Variants in KCP observed in about 807,000 individuals in gnomAD.
The protein encoded by KCP is kielin cysteine rich BMP regulator, also known as kielin/chordin-like protein.
KCP carries 194 observed loss-of-function variants against 212.7 expected under a neutral mutation model. The ratio of observed to expected loss-of-function variants is 0.91; its 90% CI spans 0.81 to 1.03. The LOEUF (loss-of-function observed/expected upper bound fraction) is 1.03. Among genes scored for constraint, KCP ranks in the 50% least tolerant of loss-of-function variants. The pLI is 0.00. For missense variants in KCP, 2,080 were observed against 2,162.5 expected, an observed-to-expected ratio of 0.96 and a Z score of 0.76; for synonymous variants, 833 against 865.3, an observed-to-expected ratio of 0.96 and a Z score of 0.65.
Position 128,892,805 on chromosome 7 carries a change from C to T in KCP, c.1421-11G>A, listed in dbSNP as rs1408677293. The T allele has an allele frequency of 2.6e-6, 4 of 1,551,608 alleles. No individual in the cohort carries two copies. Among genetic ancestry groups the T allele is most frequent in the Non-Finnish European group, 3.5e-6 (4 of 1,146,914 alleles). On this transcript the variant is annotated splice_polypyrimidine_tract_variant and intron_variant, in intron 14 of 39. Transcript: ENST00000610776. Reference sequence around the variant, plus strand: ...TGGGGCAGCAGGCACCTGGGTGGGGCAGGCTGGTCAGGGTGAGCTGGGTAA... The same window carrying T: ...TGGGGCAGCAGGCACCTGGGTGGGGTAGGCTGGTCAGGGTGAGCTGGGTAA...
At position 128,877,474 on chromosome 7, in the gene KCP, A is replaced by C; in HGVS notation, c.4618+10T>G. ...CCTCCCCCAACCTGCAGCGGGCATC[A>C]CCCCCTCACCACACAGCGTGGGGCC... On this transcript the variant is annotated intron_variant, in intron 39 of 39. Coordinates refer to ENST00000610776, the MANE Select transcript of KCP (RefSeq NM_001366122.1). 6.5e-7 allele frequency: 1 copy of C among 1,549,918 alleles called. No homozygotes were observed. Among genetic ancestry groups the C allele is most frequent in the Non-Finnish European group, 8.7e-7 (1 of 1,146,438 alleles).
chr7:128,881,171 G>A (rs1046461332), intron 31 of KCP, 86 bp from the exon 32 acceptor site: 1 of 398,748 alleles, frequency 2.5e-6, no homozygotes, highest in African/African-American at 2.1e-5. Context: ...TTCACGGCAG[G>A]AAAGCACCCA....
intron 7 of KCP, 55 bp downstream of exon 7, chr7:128,903,672 A>G: frequency 7.1e-7 from 1 of 1,409,156 alleles, no homozygotes; most frequent in Non-Finnish European, 9.5e-7. Flanking sequence ...GGAATTCAAG[A>G]AATGGCACGA....
intron 7 of KCP, 102 bp from the exon 8 acceptor site, chr7:128,902,961 T>C: frequency 1.2e-6 from 1 of 861,402 alleles, no homozygotes; most frequent in Non-Finnish European, 1.9e-6. Flanking sequence ...CTGAGGGCTC[T>C]CTCCCGAGCC....
At chr7:128,903,152 T>G in intron 7 of KCP, 1 of 477,416 alleles carries the variant, frequency 2.1e-6, no homozygotes, top group East Asian at 3.8e-5. Context: ...CCAGCCAACA[T>G]TGCACACTCA....
rs1353003636 is a variant in KCP, at chr7:128,908,516, T to TG, written c.128dup (p.Val44SerfsTer32). 1.9e-6 allele frequency: 3 copies of TG among 1,551,662 alleles called. No homozygotes were observed. The highest frequency in any genetic ancestry group is 2.6e-6 in the Non-Finnish European group (3 of 1,147,014). On this transcript the variant is annotated frameshift_variant, in exon 2 of 40. Coordinates refer to ENST00000610776, the MANE Select transcript of KCP (RefSeq NM_001366122.1). LOFTEE classifies it high-confidence loss of function. Reference sequence around the variant, plus strand: ...GCTCCTGGGAGTTCCCAGCAAGGACTGAGGAATGGGCAGTTGTCTGCTGCC... The same window carrying TG: ...GCTCCTGGGAGTTCCCAGCAAGGACTGGAGGAATGGGCAGTTGTCTGCTGCC...
Position 128,908,068 on chromosome 7 carries a change from G to C in KCP, c.219+358C>G, listed in dbSNP as rs559160814. On this transcript the variant is annotated intron_variant, in intron 2 of 39. Transcript: ENST00000610776. ...CACTTGAACCCAGGAGGCAGAGGTTGCAGGGAGCTGAGATTGTGCCACTGC... is the reference window on the plus strand; with the variant it reads ...CACTTGAACCCAGGAGGCAGAGGTTCCAGGGAGCTGAGATTGTGCCACTGC... Among the ~76,000 whole-genome samples, 9 of 150,268 alleles carry C rather than the reference G, an allele frequency of 6.0e-5. 1 individual carries two copies. In the South Asian group the frequency reaches 1.9e-3, roughly 32 times the overall value.
At chr7:128,893,597 C>T in intron 11 of KCP, 121 bp from the exon 12 acceptor site, 1 of 983,212 alleles carries the variant, frequency 1.0e-6, no homozygotes, top group Non-Finnish European at 1.5e-6. Flanking sequence ...CTCCAGGGCG[C>T]CCTGCCAGCA....
At chr7:128,894,427 A>C in intron 8 of KCP, 134 bp from the exon 9 acceptor site, 1 of 649,218 alleles carries the variant, frequency 1.5e-6, no homozygotes, top group South Asian at 2.4e-5. Flanking sequence ...CCAAATCCAT[A>C]TGTTGAACTC....
intron 28 of KCP, 118 bp downstream of exon 28, chr7:128,884,663 C>A: frequency 1.1e-6 from 1 of 925,082 alleles, no homozygotes; most frequent in Non-Finnish European, 1.7e-6. Flanking sequence ...CAGGGATACA[C>A]TCCTTTGGCC....
At chr7:128,892,037 G>C (rs563585962) in intron 16 of KCP, among the ~76,000 whole-genome samples, 40 of 152,316 alleles carry the variant, frequency 2.6e-4, no homozygotes, top group Admixed American at 2.5e-3. Context: ...GCAGATGTGT[G>C]TCTCTGAGGG....
rs1427301558 is a variant in KCP at position 128,884,051 on chromosome 7, G to T, written c.3195C>A (p.Pro1065=). 1.3e-6 allele frequency: 2 copies of T among 1,543,362 alleles called. No homozygotes were observed. The highest frequency in any genetic ancestry group is 4.0e-5 in the Admixed American group (2 of 49,818). ...GGGGCCCAGGGGGCAGGAGCTGGCT[G>T]GGGGGGCAGCCCACCAGGCTGGGAC... ...RQCPSLVGCP[P]SQLLPPGPQH... The change falls in exon 29 of 40, where the codon CCC becomes CCA. Residue 1065 remains proline, a synonymous_variant. Transcript: ENST00000610776.
intron 9 of KCP, 36 bp from the exon 10 acceptor site, chr7:128,894,091 G>A (rs968969344): frequency 3.9e-5 from 60 of 1,537,488 alleles, no homozygotes; most frequent in Middle Eastern, 4.1e-4. Context: ...TTCCTCAGGG[G>A]CCCCTCCCCA....
chr7:128,910,457 G>C, intron 1 of KCP, 144 bp downstream of exon 1: 1 of 709,646 alleles, frequency 1.4e-6, no homozygotes, highest in Non-Finnish European at 2.1e-6. Flanking sequence ...CCGACGGGGA[G>C]GACGGAGCTG....
At chr7:128,891,317 T>A in intron 18 of KCP, 39 bp from the exon 19 acceptor site, 4 of 1,547,150 alleles carry the variant, frequency 2.6e-6, no homozygotes, top group Non-Finnish European at 3.5e-6. Context: ...AGTGGGTTAG[T>A]TGGGGGAGGC....
At chr7:128,880,347 AC>A in intron 34 of KCP, 38 bp downstream of exon 34, 1 of 980,688 alleles carries the variant, frequency 1.0e-6, no homozygotes, top group East Asian at 3.5e-5. Context: ...ATGTGCCCCC[AC>A]CCTGACCCTC....
Position 128,893,466 on chromosome 7 carries a change from G to T in KCP, c.1110C>A (p.Tyr370Ter), listed in dbSNP as rs1462300685. 5.8e-6 allele frequency: 9 copies of T among 1,550,796 alleles called. No individual in the cohort carries two copies. In the Admixed American group the frequency reaches 7.8e-5, roughly 14 times the overall value. Residue 370 changes from tyrosine to a stop codon, truncating the protein, a stop_gained, in exon 12 of 40, where the codon TAC becomes TAA. Transcript: ENST00000610776. LOFTEE classifies it high-confidence loss of function. Reference sequence around the variant, plus strand: ...CCTGGCTCTGATACTGGTGTCCCTGGTACTCACAGCCTGGATGGGATGACA... The same window carrying T: ...CCTGGCTCTGATACTGGTGTCCCTGTTACTCACAGCCTGGATGGGATGACA... Reference protein sequence around the residue: ...QCCPVCDGCEYQGHQYQSQET... With the variant: ...QCCPVCDGCE
Position 128,879,623 on chromosome 7 carries a change from C to T in KCP, c.4045G>A (p.Val1349Met). 1 of 1,550,500 alleles carries T rather than the reference C, an allele frequency of 6.4e-7. No homozygotes were observed. Among genetic ancestry groups the T allele is most frequent in the Non-Finnish European group, 8.7e-7 (1 of 1,146,908 alleles). ...GGCAAGGCCACCGGGTGCCCATCCACCTGGAGGATAAAGGAGGTGGGAGGA... is the reference window on the plus strand; with the variant it reads ...GGCAAGGCCACCGGGTGCCCATCCATCTGGAGGATAAAGGAGGTGGGAGGA... Reference protein sequence around the residue: ...VRLLQDGAVTVDGHPVALPFL... With the variant: ...VRLLQDGAVTMDGHPVALPFL... Residue 1349 changes from valine to methionine, a missense_variant and splice_region_variant, in exon 37 of 40, where the codon GTG becomes ATG. Coordinates refer to ENST00000610776, the MANE Select transcript of KCP (RefSeq NM_001366122.1).
intron 5 of KCP, among the ~76,000 whole-genome samples, chr7:128,905,095 C>G (rs766244722): frequency 2.0e-5 from 3 of 151,926 alleles, no homozygotes; most frequent in Admixed American, 6.6e-5. Context: ...AGCCAGCACT[C>G]CAGGCTGCAT....
Sources: gnomAD v4.1 joint callset for allele counts (sites outside exome capture counted in the v4.1 genomes callset) on GRCh38, gnomAD v4.1.1 for gene constraint, MANE v1.5 for transcripts, NCBI Gene and HGNC (gene_info 2026-07-23, HGNC 2026-07-21) for gene names.